DNAJC19: variants seen among roughly 807,000 people sequenced by gnomAD.
The protein encoded by DNAJC19 is DnaJ heat shock protein family (Hsp40) member C19.
A neutral mutation model predicts 19.8 loss-of-function variants in DNAJC19; 15 were observed. The observed-to-expected ratio is 0.76, with a 90% CI of 0.51 to 1.17. The LOEUF is 1.17. Ranked by LOEUF, DNAJC19 falls within the 50% of genes most tolerant of loss-of-function variation. The pLI, the probability that DNAJC19 is intolerant of heterozygous loss-of-function variation, is 0.00. For missense variants in DNAJC19, 105 were observed against 140.9 expected (o/e 0.75, Z 1.29); for synonymous variants, 38 against 42.1 (o/e 0.90, Z 0.38).
Position 180,983,965 on chromosome 3 carries a change from A to C in DNAJC19, c.*675T>G. 1 of 453,980 alleles carries C rather than the reference A, an allele frequency of 2.2e-6. No individual in the cohort carries two copies. Among genetic ancestry groups the C allele is most frequent in the South Asian group, 1.6e-5 (1 of 64,472 alleles). 28.1% of individuals were successfully genotyped at this position (453,980 alleles called of 1,614,324 possible). On this transcript the variant is annotated 3_prime_UTR_variant, in exon 6 of 6. Coordinates refer to ENST00000382564, the MANE Select transcript of DNAJC19 (RefSeq NM_145261.4). ...GTAATCCCAGTACTTTGGGAGGCTG[A>C]GGCGGGAGGACTGCTTAAACCCAGG...
At chr3:180,985,191 C>A (rs1404043737) in intron 5 of DNAJC19, among the ~76,000 whole-genome samples, 1 of 151,884 alleles carries the variant, frequency 6.6e-6, no homozygotes, top group Admixed American at 6.6e-5. Flanking sequence ...ATCTACTGTC[C>A]CTTCACAATG....
At chr3:180,985,244 T>G (rs969381209) in intron 5 of DNAJC19, among the ~76,000 whole-genome samples, 1 of 152,134 alleles carries the variant, frequency 6.6e-6, no homozygotes, top group African/African-American at 2.4e-5. Flanking sequence ...GAGGAGTGAT[T>G]CTCAAAGTAT....
chr3:180,986,720 AG>A lies in DNAJC19; in HGVS notation c.209+222del. On this transcript the variant is annotated intron_variant, in intron 4 of 5. Coordinates refer to ENST00000382564, the MANE Select transcript of DNAJC19 (RefSeq NM_145261.4). ...GTAAACACTCTAGGAAAAAAGAAAA[AG>A]TGCTTAAGTGCTAGTGTGCCTTCTC... 5.6e-6 allele frequency: 3 copies of A among 534,012 alleles called. No individual in the cohort carries two copies. The South Asian group carries it at 7.9e-5, about 14-fold the overall frequency. The allele number at this position is 534,012 out of a possible 1,614,324, so 33.1% of individuals were successfully genotyped here.
At chr3:180,987,895 C>A in intron 3 of DNAJC19, 128 bp downstream of exon 3, 1 of 1,131,278 alleles carries the variant, frequency 8.8e-7, no homozygotes, top group East Asian at 2.4e-5. Flanking sequence ...CTATACTCTC[C>A]TTGCAGGAAG....
At position 180,984,630 on chromosome 3, in the gene DNAJC19, T is replaced by C. The variant is rs1489665521; in HGVS notation, c.*10A>G. 1.9e-6 allele frequency: 3 copies of C among 1,584,220 alleles called. No individual in the cohort carries two copies. The highest frequency in any genetic ancestry group is 2.2e-5 in the East Asian group (1 of 44,460). On this transcript the variant is annotated 3_prime_UTR_variant, in exon 6 of 6. Transcript: ENST00000382564. ...ACTAATACGAACTTAAAATTCATCA[T>C]ACATTTACTTCATTTTTTAGCTTGA...
Position 180,984,004 on chromosome 3 carries a change from A to G in DNAJC19, c.*636T>C. 2.2e-6 allele frequency: 1 copy of G among 453,978 alleles called. No homozygotes were observed. Among genetic ancestry groups the G allele is most frequent in the South Asian group, 1.6e-5 (1 of 64,460 alleles). 28.1% of individuals were successfully genotyped at this position (453,978 alleles called of 1,614,324 possible). ...CTTAAACCCAGGAGGTTGAGGCTGCAATGAACTGTGATTGTACCAGACCTG... is the reference window on the plus strand; with the variant it reads ...CTTAAACCCAGGAGGTTGAGGCTGCGATGAACTGTGATTGTACCAGACCTG... On this transcript the variant is annotated 3_prime_UTR_variant, in exon 6 of 6. Coordinates refer to ENST00000382564, the MANE Select transcript of DNAJC19 (RefSeq NM_145261.4).
intron 3 of DNAJC19, chr3:180,987,605 C>A (rs112578682): frequency 2.7e-5 from 8 of 296,948 alleles, no homozygotes; most frequent in African/African-American, 1.7e-4. Flanking sequence ...CAAGCCAAAC[C>A]CTATAGCCTA....
intron 1 of DNAJC19, 103 bp from the exon 2 acceptor site, chr3:180,988,332 G>T: frequency 1.9e-5 from 23 of 1,198,506 alleles, no homozygotes; most frequent in African/African-American, 3.1e-5. Context: ...CATTTTAATA[G>T]GAGAAACAAC....
At chr3:180,986,600 CA>C (rs965829817) in intron 4 of DNAJC19, 27 of 222,950 alleles carry the variant, frequency 1.2e-4, no homozygotes, top group East Asian at 2.1e-4. Context: ...AATTTCACCA[CA>C]AAAAAAATGT....
rs751535411 is a variant in DNAJC19, at chr3:180,989,613, G to A, written c.-11C>T. 1.3e-6 allele frequency: 2 copies of A among 1,586,900 alleles called. No individual in the cohort carries two copies. The highest frequency in any genetic ancestry group is 2.3e-5 in the East Asian group (1 of 43,648). On this transcript the variant is annotated 5_prime_UTR_variant, in exon 1 of 6. It introduces an in-frame stop codon into an upstream open reading frame of the 5' UTR. Coordinates refer to ENST00000382564, the MANE Select transcript of DNAJC19 (RefSeq NM_145261.4). ...GGCCGCACTCACCATGGCTCCGGCTGGGCTCCCTTGCTTCCACCGGGAGCA... is the reference window on the plus strand; with the variant it reads ...GGCCGCACTCACCATGGCTCCGGCTAGGCTCCCTTGCTTCCACCGGGAGCA...
Position 180,984,530 on chromosome 3 carries a change from G to C in DNAJC19, c.*110C>G, listed in dbSNP as rs1714792388. 1.3e-6 allele frequency: 1 copy of C among 760,588 alleles called. No homozygotes were observed. Among genetic ancestry groups the C allele is most frequent in the African/African-American group, 1.8e-5 (1 of 56,822 alleles). 47.1% of individuals were successfully genotyped at this position (760,588 alleles called of 1,614,324 possible). On this transcript the variant is annotated 3_prime_UTR_variant, in exon 6 of 6. Coordinates refer to ENST00000382564, the MANE Select transcript of DNAJC19 (RefSeq NM_145261.4). ...AATTATACCAAGGCTTTGAGATTTA[G>C]CTTGTGCTAAATCATTTTTTAAAAT...
Position 180,987,114 on chromosome 3 carries a change from CTA to C in DNAJC19, c.130-94_130-93del, listed in dbSNP as rs1714951643. ...GAAATATTCACAGAACTAAGAAAAA[CTA>C]AGACATTTCAGAGGACTTTTAGTGC... is the stretch of plus-strand genomic sequence containing the variant. On this transcript the variant is annotated intron_variant, in intron 3 of 5. Coordinates refer to ENST00000382564, the MANE Select transcript of DNAJC19 (RefSeq NM_145261.4). 3.4e-6 allele frequency: 4 copies of C among 1,175,868 alleles called. No homozygotes were observed. In the East Asian group the frequency reaches 9.4e-5, roughly 28 times the overall value. 72.8% of individuals were successfully genotyped at this position (1,175,868 alleles called of 1,614,324 possible).
intron 1 of DNAJC19, 192 bp downstream of exon 1, chr3:180,989,408 T>C (rs1285789398): frequency 2.8e-6 from 4 of 1,441,444 alleles, no homozygotes; most frequent in Non-Finnish European, 3.6e-6. Context: ...AGAAAGACGA[T>C]GTAAAAACAC....
chr3:180,987,660 G>C (rs1388492343), intron 3 of DNAJC19: 2 of 336,180 alleles, frequency 5.9e-6, no homozygotes, highest in East Asian at 1.5e-4. Context: ...GAGTGCCAGG[G>C]CCACATGGTC....
At position 180,984,152 on chromosome 3, in the gene DNAJC19, C is replaced by G. The variant is rs576646391; in HGVS notation, c.*488G>C. ...CTTAGGTCTCAGTTGTGGTTAAATTCACTTTTAAATACAAGGTTCCAAGTA... is the reference window on the plus strand; with the variant it reads ...CTTAGGTCTCAGTTGTGGTTAAATTGACTTTTAAATACAAGGTTCCAAGTA... On this transcript the variant is annotated 3_prime_UTR_variant, in exon 6 of 6. Coordinates refer to ENST00000382564, the MANE Select transcript of DNAJC19 (RefSeq NM_145261.4). 38 of 454,082 alleles carry G rather than the reference C, an allele frequency of 8.4e-5. No homozygotes were observed. The highest frequency in any genetic ancestry group is 3.3e-4 in the Admixed American group (14 of 42,576). 28.1% of individuals were successfully genotyped at this position (454,082 alleles called of 1,614,324 possible).
rs77543786 is a variant in DNAJC19, at chr3:180,988,731, C to T, written c.4-502G>A. Among the ~76,000 whole-genome samples the T allele has an allele frequency of 6.1e-3, 927 of 151,834 alleles. 4 individuals carry two copies. The highest frequency in any genetic ancestry group is 0.011 in the Non-Finnish European group (715 of 67,972). ...AAAAGTAGTGGAAATAGGCCAGGCG[C>T]GGTGGCTCACGCCTGTAATTCCAGC... On this transcript the variant is annotated intron_variant, in intron 1 of 5. Transcript: ENST00000382564.
intron 1 of DNAJC19, 100 bp downstream of exon 1, chr3:180,989,500 G>T (rs1577026843): frequency 6.5e-7 from 1 of 1,546,520 alleles, no homozygotes; most frequent in East Asian, 2.4e-5. Context: ...GCCCGCAGTC[G>T]CACTAAGGAG....
At position 180,985,986 on chromosome 3, in the gene DNAJC19, T is replaced by TG; in HGVS notation, c.219dup (p.Asn74GlnfsTer2). 1 of 1,613,076 alleles carries TG rather than the reference T, an allele frequency of 6.2e-7. No individual in the cohort carries two copies. ...TGAGCATCTCTTATTTTCCCTTTAT[T>TG]GGCAGTAGGGCTAATTAAAAAAAGA... On this transcript the variant is annotated frameshift_variant, in exon 5 of 6. Transcript: ENST00000382564. LOFTEE classifies it high-confidence loss of function.
intron 3 of DNAJC19, 107 bp downstream of exon 3, chr3:180,987,914 TGG>T: frequency 7.6e-7 from 1 of 1,320,666 alleles, no homozygotes; most frequent in South Asian, 1.2e-5. Flanking sequence ...AGCAGGAGAA[TGG>T]GTCCAAAGCA....
Sources: allele counts gnomAD v4.1 joint callset (sites outside exome capture counted in the v4.1 genomes callset), GRCh38; gene constraint gnomAD v4.1.1; transcripts MANE v1.5; gene names NCBI Gene and HGNC (gene_info 2026-07-23, HGNC 2026-07-21).